Variants in LYPLAL1 observed in about 807,000 individuals in gnomAD.
LYPLAL1 encodes lysophospholipase-like protein 1.
LYPLAL1 carries 23 observed loss-of-function variants against 19.7 expected under a neutral mutation model. The ratio of observed to expected loss-of-function variants is 1.17; its 90% CI spans 0.84 to 1.65. LYPLAL1 has a LOEUF of 1.65. LYPLAL1 is among the 40% of genes most tolerant of loss of function. LYPLAL1 has a pLI of 0.00. For synonymous variants in LYPLAL1, 119 were observed against 96.3 expected (o/e 1.24, Z -1.38); for missense variants, 355 against 279.4 (o/e 1.27, Z -1.93).
chr1:219,384,649 AG>A, the LYPLAL1 span, among the ~76,000 whole-genome samples: 1 of 152,244 alleles, frequency 6.6e-6, no homozygotes, highest in Non-Finnish European at 1.5e-5. Flanking sequence ...GAATATTTAA[AG>A]TGCTGTCAAG....
rs534446376 is a variant in LYPLAL1 at position 219,174,349 on chromosome 1, C to T, written c.91+368C>T. ...GAAATTATTTAGTGTTTTTCATTAT[C>T]AGCTACTAGTGATTTTTCAGTCGTA... On this transcript the variant is annotated intron_variant, in intron 1 of 4. Coordinates refer to ENST00000366928, the MANE Select transcript of LYPLAL1 (RefSeq NM_138794.5). 37 of 1,043,674 alleles carry T rather than the reference C, an allele frequency of 3.5e-5. No homozygotes were observed. The African/African-American group carries it at 6.2e-4, about 17-fold the overall frequency. The allele number at this position is 1,043,674 out of a possible 1,614,324, so 64.7% of individuals were successfully genotyped here.
At chr1:219,241,134 C>CTCTCTCTCTCTCTCTCTATA in the LYPLAL1 span, among the ~76,000 whole-genome samples, 6 of 44,364 alleles carry the variant, frequency 1.4e-4, no homozygotes, top group East Asian at 8.2e-4. Context: ...CTCTCTCTCT[C>CTCTCTCTCTCTCTCTCTATA]TATATATATA....
chr1:219,392,801 A>G, the LYPLAL1 span, among the ~76,000 whole-genome samples: 1 of 152,306 alleles, frequency 6.6e-6, no homozygotes, highest in Admixed American at 6.5e-5. Context: ...CCTCCATAAA[A>G]TTGATCTCTG....
the LYPLAL1 span, among the ~76,000 whole-genome samples, chr1:219,288,371 A>C: frequency 6.6e-6 from 1 of 152,168 alleles, no homozygotes; most frequent in Non-Finnish European, 1.5e-5. Context: ...CCAATCTGAA[A>C]AGGCCATATG....
the LYPLAL1 span, among the ~76,000 whole-genome samples, chr1:219,270,343 T>C: frequency 6.6e-6 from 1 of 152,226 alleles, no homozygotes; most frequent in Non-Finnish European, 1.5e-5. Flanking sequence ...AAGAAATGTG[T>C]TGCTGCTTTT....
the LYPLAL1 span, among the ~76,000 whole-genome samples, chr1:219,381,460 A>T: frequency 6.6e-6 from 1 of 152,226 alleles, no homozygotes; most frequent in African/African-American, 2.4e-5. Flanking sequence ...GTAGACTCAC[A>T]TAAGGTCTCT....
the LYPLAL1 span, among the ~76,000 whole-genome samples, chr1:219,279,009 G>T: frequency 6.6e-6 from 1 of 152,026 alleles, no homozygotes; most frequent in African/African-American, 2.4e-5. Context: ...TCCTGGCCTC[G>T]GGCATGAAAA....
At chr1:219,337,281 C>T in the LYPLAL1 span, among the ~76,000 whole-genome samples, 12 of 151,962 alleles carry the variant, frequency 7.9e-5, no homozygotes, top group Admixed American at 7.9e-4. Flanking sequence ...ATGACACAGA[C>T]ATCTTTTGGA....
chr1:219,408,621 G>T, the LYPLAL1 span, among the ~76,000 whole-genome samples: 3 of 152,056 alleles, frequency 2.0e-5, no homozygotes, highest in East Asian at 5.8e-4. Flanking sequence ...AGGGGCTGGG[G>T]GGGTGGTTCG....
chr1:219,388,525 C>T, the LYPLAL1 span, among the ~76,000 whole-genome samples: 1 of 152,104 alleles, frequency 6.6e-6, no homozygotes. Flanking sequence ...GACTGTCTAT[C>T]ACTGGGCAAA....
At chr1:219,391,842 A>C in the LYPLAL1 span, among the ~76,000 whole-genome samples, 7 of 152,148 alleles carry the variant, frequency 4.6e-5, no homozygotes, top group African/African-American at 1.7e-4. Context: ...AGATCTCCCC[A>C]AACTGGCTTC....
the LYPLAL1 span, among the ~76,000 whole-genome samples, chr1:219,238,152 C>A: frequency 1.7e-5 from 2 of 119,144 alleles, no homozygotes; most frequent in East Asian, 2.7e-4. Context: ...TTGACAGAGT[C>A]TCGCTCTGTC....
At chr1:219,323,483 G>A in the LYPLAL1 span, among the ~76,000 whole-genome samples, 1 of 152,188 alleles carries the variant, frequency 6.6e-6, no homozygotes, top group Non-Finnish European at 1.5e-5. Flanking sequence ...TGCCCCACAA[G>A]GTTGTTGATT....
At chr1:219,254,069 A>T in the LYPLAL1 span, among the ~76,000 whole-genome samples, 1 of 151,968 alleles carries the variant, frequency 6.6e-6, no homozygotes, top group Non-Finnish European at 1.5e-5. Flanking sequence ...TGTGGCTTTG[A>T]ACTCTGTTTT....
At chr1:219,372,928 C>T in the LYPLAL1 span, among the ~76,000 whole-genome samples, 2 of 151,902 alleles carry the variant, frequency 1.3e-5, no homozygotes, top group Admixed American at 6.6e-5. Flanking sequence ...ATAAATTGTT[C>T]TACATTATTT....
chr1:219,253,932 A>G, the LYPLAL1 span, among the ~76,000 whole-genome samples: 1 of 152,090 alleles, frequency 6.6e-6, no homozygotes, highest in Admixed American at 6.6e-5. Context: ...TAGGTCTCTA[A>G]GAACTTGCTT....
the LYPLAL1 span, among the ~76,000 whole-genome samples, chr1:219,380,554 C>T: frequency 1.3e-5 from 2 of 152,220 alleles, no homozygotes; most frequent in Non-Finnish European, 2.9e-5. Flanking sequence ...CAACTATGCC[C>T]TTGTGGCAGG....
At chr1:219,300,323 G>C in the LYPLAL1 span, among the ~76,000 whole-genome samples, 1 of 152,146 alleles carries the variant, frequency 6.6e-6, no homozygotes, top group Non-Finnish European at 1.5e-5. Flanking sequence ...ATAAGGAAAA[G>C]TATGGTTAAA....
chr1:219,341,254 G>A, the LYPLAL1 span, among the ~76,000 whole-genome samples: 1 of 151,992 alleles, frequency 6.6e-6, no homozygotes, highest in South Asian at 2.1e-4. Context: ...AATACTTCAT[G>A]GAGTGCATAA....
Sources: allele counts gnomAD v4.1 joint callset (sites outside exome capture counted in the v4.1 genomes callset), GRCh38; gene constraint gnomAD v4.1.1; transcripts MANE v1.5; gene names NCBI Gene and HGNC (gene_info 2026-07-23, HGNC 2026-07-21).